ZNF534: variants seen among roughly 807,000 people sequenced by gnomAD.
ZNF534 encodes KRAB domain only 3.
ZNF534 carries 19 observed loss-of-function variants against 13.6 expected under a neutral mutation model. The observed-to-expected ratio is 1.40, with a 90% confidence interval of 0.97 to 2.05. ZNF534 has a LOEUF of 2.05. Ranked by LOEUF, ZNF534 falls within the 30% of genes most tolerant of loss-of-function variation. ZNF534 has a pLI of 0.00. For missense variants in ZNF534, 782 were observed against 796.3 expected, an observed-to-expected ratio of 0.98 and a Z score of 0.22; for synonymous variants, 244 against 273.8, an observed-to-expected ratio of 0.89 and a Z score of 1.07.
Position 52,433,999 on chromosome 19 carries a change from G to C in ZNF534, c.60G>C (p.Glu20Asp). The stretch of plus-strand genomic sequence containing the variant: ...ATGTGGCCATAGAATTCTCTCAGGA[G>C]GAGTGGAAATGCCTGGACCCTGGGC... ...FSDVAIEFSQ[E>D]EWKCLDPGQK... The change falls in exon 3 of 5, where the codon GAG (glutamate) becomes GAC (aspartate). Residue 20 changes from glutamate (E) to aspartate (D), a missense_variant. Glu to Asp is a conservative substitution (Grantham distance 45). Around this residue, in one of 5 missense-constraint regions of ZNF534, gnomAD observed 81 missense variants for 63.5 expected, o/e 1.28. Coordinates refer to ENST00000433050, the MANE Select transcript of ZNF534 (RefSeq NM_001143938.3). The C allele has an allele frequency of 6.2e-7, 1 of 1,614,126 alleles. No individual in the cohort carries two copies. The highest frequency in any genetic ancestry group is 8.5e-7 in the Non-Finnish European group (1 of 1,180,024).
intron 2 of ZNF534, among the ~76,000 whole-genome samples, chr19:52,432,758 G>C (rs908875288): frequency 1.3e-5 from 2 of 151,858 alleles, no homozygotes; most frequent in African/African-American, 4.8e-5. Flanking sequence ...TCAGCCTCCT[G>C]AGTAGCTGGG....
In ZNF534 at chr19:52,437,983, C is replaced by T. The variant is rs1200109269; in HGVS notation, c.523C>T (p.Gln175Ter). ...TTTTCTTTTTTCTACATTACTCCCA[C>T]AAGAACAGAAAGTACACATTAGGGA... ...NDFLFSTLLP[Q>*]EQKVHIREKP... Residue 175 changes from glutamine (Q) to a stop codon, truncating the protein, a stop_gained, in exon 5 of 5, where the codon CAA becomes TAA. Coordinates refer to ENST00000433050, the MANE Select transcript of ZNF534 (RefSeq NM_001143938.3). LOFTEE classifies it low-confidence loss of function (END_TRUNC). 6.2e-7 allele frequency: 1 copy of T among 1,613,936 alleles called. No individual in the cohort carries two copies. Among genetic ancestry groups the T allele is most frequent in the African/African-American group, 1.3e-5 (1 of 74,912 alleles).
intron 2 of ZNF534, among the ~76,000 whole-genome samples, chr19:52,433,062 G>A (rs1196753588): frequency 6.6e-6 from 1 of 151,798 alleles, no homozygotes; most frequent in Non-Finnish European, 1.5e-5. Flanking sequence ...GGACAATGTG[G>A]TGAGACTCTA....
intron 4 of ZNF534, among the ~76,000 whole-genome samples, chr19:52,448,246 C>G (rs1351293276): frequency 6.6e-6 from 1 of 152,000 alleles, no homozygotes; most frequent in Non-Finnish European, 1.5e-5. Flanking sequence ...GAAACCCCAT[C>G]TCTACTAAAA....
downstream of ZNF534, among the ~76,000 whole-genome samples, chr19:52,447,063 C>G (rs2059196997): frequency 1.3e-5 from 2 of 152,188 alleles, no homozygotes; most frequent in African/African-American, 4.8e-5. Flanking sequence ...ATCTTTATCT[C>G]TGTCCTGATG....
exon 5 of ZNF534, chr19:52,451,554 A>C: frequency 1.7e-6 from 1 of 603,008 alleles, no homozygotes; most frequent in South Asian, 2.1e-5. Context: ...GGCGGCATGC[A>C]GCTCCGCGTT....
rs377150271 is a variant in ZNF534 at position 52,438,619 on chromosome 19, T to A, written c.1159T>A (p.Cys387Ser). The A allele has an allele frequency of 1.4e-5, 23 of 1,589,958 alleles. No individual in the cohort carries two copies. The African/African-American group carries it at 2.8e-4, about 20-fold the overall frequency. Residue 387 changes from cysteine to serine, a missense_variant, in exon 5 of 5, where the codon TGT becomes AGT. Around this residue, in one of 5 missense-constraint regions of ZNF534, gnomAD observed 591 missense variants for 574.0 expected, o/e 1.03. Transcript: ENST00000433050. ...TGEKPYKCNE[C>S]GKVFIGNSRL... is the part of the protein sequence containing the mutation. ...AGAGAAACCTTACAAATGTAATGAGTGTGGCAAGGTCTTTATTGGCAATTC... is the reference window on the plus strand; with the variant it reads ...AGAGAAACCTTACAAATGTAATGAGAGTGGCAAGGTCTTTATTGGCAATTC...
At chr19:52,433,922 T>C (rs772873233) in intron 2 of ZNF534, 33 bp from the exon 3 acceptor site, 4 of 1,612,608 alleles carry the variant, frequency 2.5e-6, no homozygotes, top group Non-Finnish European at 8.5e-7. Flanking sequence ...ACTCTCTCCA[T>C]ACCCTGTTTT....
At chr19:52,433,490 CT>C (rs2059104710) in intron 2 of ZNF534, among the ~76,000 whole-genome samples, 1 of 152,014 alleles carries the variant, frequency 6.6e-6, no homozygotes, top group Non-Finnish European at 1.5e-5. Context: ...CCTCAGCCTC[CT>C]GAGTAGCTGG....
chr19:52,433,608 CG>C (rs2059106737), intron 2 of ZNF534, among the ~76,000 whole-genome samples: 1 of 152,186 alleles, frequency 6.6e-6, no homozygotes, highest in Non-Finnish European at 1.5e-5. Context: ...CCTCGTGATC[CG>C]ACCGCCTTGG....
chr19:52,438,175 G>A lies in ZNF534; in HGVS notation c.715G>A (p.Glu239Lys), dbSNP rs2059141822. 1 of 1,613,698 alleles carries A rather than the reference G, an allele frequency of 6.2e-7. No homozygotes were observed. Among genetic ancestry groups the A allele is most frequent in the Non-Finnish European group, 8.5e-7 (1 of 1,179,872 alleles). Residue 239 changes from glutamate to lysine, a missense_variant, in exon 5 of 5, where the codon GAG (glutamate) becomes AAG (lysine). This residue lies in a region of ZNF534 where 591 missense variants were observed against 574.0 expected (regional missense o/e 1.03). Coordinates refer to ENST00000433050, the MANE Select transcript of ZNF534 (RefSeq NM_001143938.3). ...ACAACATCAACGAATCCATACTGGA[G>A]AGAAGCCTTACAAATATAATGAATG... ...FAQHQRIHTG[E>K]KPYKYNECGK...
Position 52,433,977 on chromosome 19 carries a change from T to C in ZNF534, c.38T>C (p.Val13Ala), listed in dbSNP as rs957065228. 6.2e-7 allele frequency: 1 copy of C among 1,614,096 alleles called. No homozygotes were observed. Among genetic ancestry groups the C allele is most frequent in the African/African-American group, 1.3e-5 (1 of 75,042 alleles). ...LTQGQLSFSD[V>A]AIEFSQEEWK... ...TAGGGGCAATTGTCATTCAGCGATG[T>C]GGCCATAGAATTCTCTCAGGAGGAG... Residue 13 changes from valine to alanine, a missense_variant, in exon 3 of 5, where the codon GTG becomes GCG. By Grantham distance (64) the Val-to-Ala change is moderately conservative. Transcript: ENST00000433050.
chr19:52,432,463 T>C (rs2059094037), intron 2 of ZNF534, among the ~76,000 whole-genome samples: 1 of 152,142 alleles, frequency 6.6e-6, no homozygotes, highest in African/African-American at 2.4e-5. Flanking sequence ...AGAGTTGTCT[T>C]TTTAGTAAGA....
chr19:52,440,748 T>C lies in ZNF534; in HGVS notation c.*1302T>C, dbSNP rs2122708049. Among the ~76,000 whole-genome samples, 2 of 148,376 alleles carry C rather than the reference T, an allele frequency of 1.3e-5. No homozygotes were observed. Among genetic ancestry groups the C allele is most frequent in the African/African-American group, 2.5e-5 (1 of 39,960 alleles). Reference sequence around the variant, plus strand: ...GTGAGCCAAGAATGCGCTACTACACTCCAGCCTGTGTGACAGTGAGATTCT... The same window carrying C: ...GTGAGCCAAGAATGCGCTACTACACCCCAGCCTGTGTGACAGTGAGATTCT... On this transcript the variant is annotated 3_prime_UTR_variant, in exon 5 of 5. Coordinates refer to ENST00000433050, the MANE Select transcript of ZNF534 (RefSeq NM_001143938.3).
At chr19:52,443,640 C>T (rs1254275873), downstream of ZNF534, among the ~76,000 whole-genome samples, 2 of 152,044 alleles carry the variant, frequency 1.3e-5, no homozygotes, top group African/African-American at 2.4e-5. Flanking sequence ...GCCCCAGCTA[C>T]TCAGGAGGCT....
At position 52,440,013 on chromosome 19, in the gene ZNF534, A is replaced by G. The variant is rs1330055534; in HGVS notation, c.*567A>G. Among the ~76,000 whole-genome samples, 4 of 152,194 alleles carry G rather than the reference A, an allele frequency of 2.6e-5. No homozygotes were observed. Among genetic ancestry groups the G allele is most frequent in the African/African-American group, 4.8e-5 (2 of 41,430 alleles). On this transcript the variant is annotated 3_prime_UTR_variant, in exon 5 of 5. Transcript: ENST00000433050. Reference sequence around the variant, plus strand: ...AACCTGGGAGGCAGAGGTTGTGATGAGCCGAGATTGCAACATTGCACTCCA... The same window carrying G: ...AACCTGGGAGGCAGAGGTTGTGATGGGCCGAGATTGCAACATTGCACTCCA...
At position 52,438,805 on chromosome 19, in the gene ZNF534, C is replaced by T. The variant is rs2059149437; in HGVS notation, c.1345C>T (p.His449Tyr). ...ECIDCGKVFR[H>Y]KSSLTYHCRI... ...TATAGACTGTGGCAAGGTCTTCAGG[C>T]ACAAGTCTTCCCTAACCTATCACTG... Residue 449 changes from histidine (H) to tyrosine (Y), a missense_variant, in exon 5 of 5, where the codon CAC becomes TAC. Physicochemically the swap from His to Tyr is moderately conservative, Grantham distance 83. This residue lies in a region of ZNF534 where 591 missense variants were observed against 574.0 expected (regional missense o/e 1.03). Transcript: ENST00000433050. 11 of 1,610,358 alleles carry T rather than the reference C, an allele frequency of 6.8e-6. No individual in the cohort carries two copies. Among genetic ancestry groups the T allele is most frequent in the Non-Finnish European group, 8.5e-6 (10 of 1,178,136 alleles).
chr19:52,447,105 C>CT (rs1459648135), downstream of ZNF534, among the ~76,000 whole-genome samples: 4 of 152,158 alleles, frequency 2.6e-5, no homozygotes, highest in African/African-American at 7.2e-5. Context: ...CTAAGTGACT[C>CT]TAACTCCACC....
At chr19:52,431,332 C>T in intron 1 of ZNF534, 76 bp from the exon 2 acceptor site, 3 of 1,094,588 alleles carry the variant, frequency 2.7e-6, no homozygotes, top group East Asian at 2.6e-5. Context: ...GTGAAGTCTT[C>T]CCTTTTTGTG....
Sources: gnomAD v4.1 joint callset for allele counts (sites outside exome capture counted in the v4.1 genomes callset) on GRCh38, gnomAD v4.1.1 for gene constraint, gnomAD v4.1.1 regional missense constraint, MANE v1.5 for transcripts, NCBI Gene and HGNC (gene_info 2026-07-23, HGNC 2026-07-21) for gene names.